C2orf74: variants seen among roughly 807,000 people sequenced by gnomAD.
The protein encoded by C2orf74 is uncharacterized protein C2orf74.
In C2orf74, 14 loss-of-function variants were observed where a neutral mutation model predicts 17.9. The ratio of observed to expected loss-of-function variants is 0.78; its 90% CI spans 0.52 to 1.22. The LOEUF is 1.22. C2orf74 is among the 50% of genes most tolerant of loss of function. The pLI, the probability that C2orf74 is intolerant of heterozygous loss-of-function variation, is 0.00. For missense variants in C2orf74, 217 were observed against 218.4 expected, an observed-to-expected ratio of 0.99 and a Z score of 0.04; for synonymous variants, 79 against 72.6, an observed-to-expected ratio of 1.09 and a Z score of -0.44.
At chr2:61,149,559 A>ATG (rs70959894) in intron 1 of C2orf74, among the ~76,000 whole-genome samples, 60,063 of 142,048 alleles carry the variant, frequency 0.42, 12,741 homozygotes, top group Middle Eastern at 0.51. Context: ...CCCCGTCTAG[A>ATG]TGTTGGGCGC....
intron 1 of C2orf74, among the ~76,000 whole-genome samples, chr2:61,150,042 T>C (rs1685181192): frequency 6.6e-6 from 1 of 152,184 alleles, no homozygotes; most frequent in South Asian, 2.1e-4. Flanking sequence ...TGTTGCATAA[T>C]ACTGGGTCTG....
chr2:61,152,865 A>G (rs1559179026), intron 1 of C2orf74, among the ~76,000 whole-genome samples: 2 of 150,074 alleles, frequency 1.3e-5, no homozygotes, highest in Non-Finnish European at 3.0e-5. Context: ...AAAAAAAAAA[A>G]AAAAAGCCAG....
Position 61,163,081 on chromosome 2 carries a change from T to C in C2orf74, c.239T>C (p.Val80Ala). Reference sequence around the variant, plus strand: ...TTAATGCAAGTCATGAACTTGAATGTGCCGATGAGGCCTGGCATTCTTGTC... The same window carrying C: ...TTAATGCAAGTCATGAACTTGAATGCGCCGATGAGGCCTGGCATTCTTGTC... Reference protein sequence around the residue: ...RILMQVMNLNVPMRPGILVQR... With the variant: ...RILMQVMNLNAPMRPGILVQR... Residue 80 changes from valine to alanine, a missense_variant, in exon 4 of 5, where the codon GTG (valine) becomes GCG (alanine). Coordinates refer to ENST00000432605, the MANE Select transcript of C2orf74 (RefSeq NM_001143959.4). 1 of 1,552,150 alleles carries C rather than the reference T, an allele frequency of 6.4e-7. No individual in the cohort carries two copies. The highest frequency in any genetic ancestry group is 2.4e-5 in the East Asian group (1 of 41,068).
intron 1 of C2orf74, among the ~76,000 whole-genome samples, chr2:61,147,012 C>A (rs371326315): frequency 6.6e-6 from 1 of 151,734 alleles, no homozygotes; most frequent in Non-Finnish European, 1.5e-5. Context: ...CAACAAAAAA[C>A]CTCCAAATTA....
At chr2:61,152,570 C>T (rs184849338) in intron 1 of C2orf74, among the ~76,000 whole-genome samples, 68 of 150,086 alleles carry the variant, frequency 4.5e-4, no homozygotes, top group African/African-American at 1.6e-3. Flanking sequence ...AAGCTGGGGC[C>T]GGGCGCAGTG....
intron 4 of C2orf74, among the ~76,000 whole-genome samples, chr2:61,163,600 CA>C (rs1292976977): frequency 1.4e-5 from 2 of 141,542 alleles, no homozygotes; most frequent in East Asian, 2.0e-4. Context: ...GACTCCATCT[CA>C]AAAAAAAATA....
chr2:61,158,739 GTC>G (rs1222320572), upstream of C2orf74, among the ~76,000 whole-genome samples: 1 of 152,140 alleles, frequency 6.6e-6, no homozygotes, highest in Admixed American at 6.6e-5. Context: ...GGAGTCTGGT[GTC>G]TCATTGTCTG....
upstream of C2orf74, among the ~76,000 whole-genome samples, chr2:61,159,103 TCTC>T (rs1366032211): frequency 6.6e-6 from 1 of 152,010 alleles, no homozygotes; most frequent in African/African-American, 2.4e-5. Context: ...TTCAAGCAGT[TCTC>T]CTGCCTCAGC....
At chr2:61,146,843 A>G (rs113833433) in intron 1 of C2orf74, among the ~76,000 whole-genome samples, 180 of 151,644 alleles carry the variant, frequency 1.2e-3, no homozygotes, top group African/African-American at 4.2e-3. Context: ...GTCTCAAAAA[A>G]AAAAACAAAA....
intron 1 of C2orf74, chr2:61,145,239 C>A (rs1248179675): frequency 6.6e-6 from 1 of 152,148 alleles, no homozygotes; most frequent in African/African-American, 2.4e-5. Flanking sequence ...CATCTTTTGT[C>A]CTTGGATAAG....
intron 1 of C2orf74, among the ~76,000 whole-genome samples, chr2:61,154,779 GC>G (rs1290329644): frequency 6.6e-6 from 1 of 152,152 alleles, no homozygotes. Context: ...AAAAGGCTGG[GC>G]TAGGTGGCTC....
intron 1 of C2orf74, among the ~76,000 whole-genome samples, chr2:61,151,030 A>C (rs1446290402): frequency 6.6e-6 from 1 of 152,062 alleles, no homozygotes; most frequent in Non-Finnish European, 1.5e-5. Context: ...TTAAGATGTC[A>C]AAACAGACTG....
chr2:61,163,848 A>G (rs1685647847), intron 4 of C2orf74, among the ~76,000 whole-genome samples: 1 of 151,990 alleles, frequency 6.6e-6, no homozygotes, highest in African/African-American at 2.4e-5. Flanking sequence ...AGAATCTTAG[A>G]GCTGTTAAGA....
intron 1 of C2orf74, among the ~76,000 whole-genome samples, chr2:61,154,150 C>A (rs1401029110): frequency 1.3e-5 from 2 of 151,098 alleles, no homozygotes; most frequent in Non-Finnish European, 2.9e-5. Context: ...AGGAGAATCG[C>A]TTGAACCTGG....
At chr2:61,161,142 C>T (rs185237251), upstream of C2orf74, among the ~76,000 whole-genome samples, 3 of 152,158 alleles carry the variant, frequency 2.0e-5, no homozygotes, top group Non-Finnish European at 4.4e-5. Flanking sequence ...TTGATTTGCA[C>T]TTCCCTAATG....
At chr2:61,151,407 A>T (rs1364209998) in intron 1 of C2orf74, 1 of 149,736 alleles carries the variant, frequency 6.7e-6, no homozygotes, top group African/African-American at 2.5e-5. Context: ...ATTGCTGCAT[A>T]ACAAGTGACT....
rs1685624730 is a variant in C2orf74 at position 61,163,330 on chromosome 2, C to T, written c.390+98C>T. On this transcript the variant is annotated intron_variant, in intron 4 of 4. Transcript: ENST00000432605. Reference sequence around the variant, plus strand: ...AGGTATAATAATAGGAGATGGAGGACCGGGCGGGTGGCTCACGCCTGTAAT... The same window carrying T: ...AGGTATAATAATAGGAGATGGAGGATCGGGCGGGTGGCTCACGCCTGTAAT... The T allele has an allele frequency of 3.0e-6, 4 of 1,331,658 alleles. No individual in the cohort carries two copies. The East Asian group carries it at 1.0e-4, about 33-fold the overall frequency. The allele number at this position is 1,331,658 out of a possible 1,614,324, so 82.5% of individuals were successfully genotyped here. A position where few individuals can be genotyped will look rare whatever the true frequency, so the allele number is the denominator to read the frequency against.
chr2:61,153,743 G>A (rs1685311061), intron 1 of C2orf74, among the ~76,000 whole-genome samples: 1 of 151,108 alleles, frequency 6.6e-6, no homozygotes, highest in Middle Eastern at 3.4e-3. Context: ...ATAAAAATTA[G>A]CTGGGCATGG....
upstream of C2orf74, among the ~76,000 whole-genome samples, chr2:61,159,883 T>C: frequency 6.6e-6 from 1 of 152,252 alleles, no homozygotes. Context: ...GTATTAAGTA[T>C]GTTCACATTA....
Sources: gnomAD v4.1 joint callset for allele counts (sites outside exome capture counted in the v4.1 genomes callset) on GRCh38, gnomAD v4.1.1 for gene constraint, MANE v1.5 for transcripts, NCBI Gene and HGNC (gene_info 2026-07-23, HGNC 2026-07-21) for gene names.